BPIFC: variants seen among roughly 807,000 people sequenced by gnomAD.
The protein encoded by BPIFC is BPI fold-containing family C protein.
BPIFC carries 60 observed loss-of-function variants against 57.6 expected under a neutral mutation model. The ratio of observed to expected loss-of-function variants is 1.04; its 90% CI spans 0.85 to 1.29. The LOEUF is 1.29. Among genes scored for constraint, BPIFC ranks in the 50% most tolerant of loss-of-function variants. BPIFC has a pLI of 0.00. For synonymous variants in BPIFC, 243 were observed against 224.5 expected, an observed-to-expected ratio of 1.08 and a Z score of -0.74; for missense variants, 581 against 600.5, an observed-to-expected ratio of 0.97 and a Z score of 0.34.
intron 1 of BPIFC, among the ~76,000 whole-genome samples, chr22:32,462,942 C>T (rs746418653): frequency 2.6e-5 from 4 of 152,066 alleles, no homozygotes; most frequent in Non-Finnish European, 5.9e-5. Flanking sequence ...CATCTAGAAA[C>T]GTTCAAGCAT....
In BPIFC at chr22:32,414,267, A is replaced by C; in HGVS notation, c.*36T>G. 1 of 1,610,246 alleles carries C rather than the reference A, an allele frequency of 6.2e-7. No individual in the cohort carries two copies. Among genetic ancestry groups the C allele is most frequent in the Non-Finnish European group, 8.5e-7 (1 of 1,177,872 alleles). ...GTTTACAGTAGTTGTAGGATTAAGGACCATTTACTTCCTGGGGTGAATTGC... is the reference window on the plus strand; with the variant it reads ...GTTTACAGTAGTTGTAGGATTAAGGCCCATTTACTTCCTGGGGTGAATTGC... On this transcript the variant is annotated 3_prime_UTR_variant, in exon 17 of 17. Coordinates refer to ENST00000300399, the MANE Select transcript of BPIFC (RefSeq NM_174932.3).
At chr22:32,447,950 G>A (rs1274611020) in intron 4 of BPIFC, among the ~76,000 whole-genome samples, 1 of 151,654 alleles carries the variant, frequency 6.6e-6, no homozygotes, top group East Asian at 1.9e-4. Context: ...TACTTGTTTA[G>A]CTTATTTAAA....
chr22:32,424,654 T>TCCTCC (rs1569447976), intron 13 of BPIFC, among the ~76,000 whole-genome samples: 3 of 61,354 alleles, frequency 4.9e-5, no homozygotes, highest in South Asian at 6.2e-4. Flanking sequence ...CTTCTTCTTC[T>TCCTCC]TCTTCTTCTT....
chr22:32,417,947 T>G (rs2413115), intron 14 of BPIFC, among the ~76,000 whole-genome samples: 49,900 of 151,942 alleles, frequency 0.33, 8,623 homozygotes, highest in African/African-American at 0.43. Flanking sequence ...TTTATCACCA[T>G]TGTGAAAATG....
In BPIFC at chr22:32,432,527, A is replaced by G. The variant is rs144531815; in HGVS notation, c.995T>C (p.Ile332Thr). 1.2e-6 allele frequency: 2 copies of G among 1,611,992 alleles called. No homozygotes were observed. The highest frequency in any genetic ancestry group is 4.5e-5 in the East Asian group (2 of 44,792). Residue 332 changes from isoleucine (I) to threonine (T), a missense_variant, in exon 12 of 17, where the codon ATC becomes ACC. Ile to Thr is a moderately conservative substitution (Grantham distance 89). Transcript: ENST00000300399. ...NVLSRIAEIY[I>T]LSQPFMVRIM... ...CCTCACCATGAAGGGCTGGGACAAG[A>G]TGTAGATCTCTGCAATCTGCCCACA... is the stretch of plus-strand genomic sequence containing the variant.
chr22:32,419,489 T>G, intron 13 of BPIFC, 85 bp from the exon 14 acceptor site: 1 of 1,313,288 alleles, frequency 7.6e-7, no homozygotes, highest in Non-Finnish European at 1.1e-6. Context: ...ATATTTTCAG[T>G]TCAAAAGTCA....
chr22:32,435,553 C>T (rs2076050), intron 10 of BPIFC, 151 bp downstream of exon 10: 284,944 of 753,666 alleles, frequency 0.38, 55,554 homozygotes, highest in Admixed American at 0.51. Context: ...ATGTTCACTC[C>T]ACAATTCCCT....
chr22:32,424,710 CTTCT>C (rs1933989862), intron 13 of BPIFC, among the ~76,000 whole-genome samples: 2 of 100,956 alleles, frequency 2.0e-5, no homozygotes, highest in Non-Finnish European at 3.8e-5. Flanking sequence ...TCTTCCTCTT[CTTCT>C]TCCTCTTCTT....
intron 8 of BPIFC, among the ~76,000 whole-genome samples, chr22:32,440,090 A>G (rs1934522601): frequency 6.6e-6 from 1 of 151,852 alleles, no homozygotes. Context: ...TACATCTCCA[A>G]TCCATTCATT....
chr22:32,438,349 T>C (rs1198941641), intron 8 of BPIFC, among the ~76,000 whole-genome samples: 1 of 152,252 alleles, frequency 6.6e-6, no homozygotes, highest in East Asian at 1.9e-4. Context: ...TTTTTAGGTA[T>C]ACACACATAC....
At chr22:32,442,806 C>T in intron 7 of BPIFC, 75 bp from the exon 8 acceptor site, 18 of 1,410,740 alleles carry the variant, frequency 1.3e-5, no homozygotes, top group Non-Finnish European at 1.7e-5. Flanking sequence ...GGGCCTAGAC[C>T]CTGCAAACAA....
chr22:32,459,710 G>A (rs573525487), intron 2 of BPIFC, among the ~76,000 whole-genome samples: 3 of 151,822 alleles, frequency 2.0e-5, no homozygotes, highest in African/African-American at 7.3e-5. Context: ...AATTAGCTGA[G>A]GATGGTGGTA....
At chr22:32,432,639 A>G in intron 11 of BPIFC, 96 bp from the exon 12 acceptor site, 1 of 1,188,936 alleles carries the variant, frequency 8.4e-7, no homozygotes, top group East Asian at 2.4e-5. Context: ...TAAATCTTAC[A>G]TTGTGCAGTT....
intron 11 of BPIFC, among the ~76,000 whole-genome samples, chr22:32,433,495 G>T (rs898546003): frequency 2.0e-5 from 3 of 152,138 alleles, no homozygotes; most frequent in Non-Finnish European, 4.4e-5. Context: ...GGAAGGCACG[G>T]TGATTTATTT....
At chr22:32,461,743 T>C in intron 1 of BPIFC, 82 bp from the exon 2 acceptor site, 1 of 577,634 alleles carries the variant, frequency 1.7e-6, no homozygotes, top group Non-Finnish European at 2.2e-6. Context: ...GCTGACCAAC[T>C]GGTATAGGAG....
rs756852618 is a variant in BPIFC at position 32,431,371 on chromosome 22, A to G, written c.1193T>C (p.Leu398Pro). ...SVGLVILGQR[L>P]VCSLSLNRFR... is the part of the protein sequence containing the mutation. ...CCTGTTCAGAGACAAGGAGCAGACC[A>G]GTCTTTGTCCCAAAATAACCAGGCC... The change falls in exon 13 of 17, where the codon CTG becomes CCG. Residue 398 changes from leucine (L) to proline (P), a missense_variant. Leu to Pro is a moderately conservative substitution (Grantham distance 98). Transcript: ENST00000300399. 6.2e-7 allele frequency: 1 copy of G among 1,606,038 alleles called. No homozygotes were observed.
At chr22:32,422,331 G>A (rs924965266) in intron 13 of BPIFC, among the ~76,000 whole-genome samples, 2 of 152,112 alleles carry the variant, frequency 1.3e-5, no homozygotes, top group South Asian at 2.1e-4. Context: ...TTTGTAGAAG[G>A]TAGAGAACAA....
rs367788179 is a variant in BPIFC, at chr22:32,458,693, T to C, written c.1-1307A>G. ...TGTGAATTGGGCCATGTGTGCCTTATGGGTTCTCCAGCACCTGGGGAAGCC... is the reference window on the plus strand; with the variant it reads ...TGTGAATTGGGCCATGTGTGCCTTACGGGTTCTCCAGCACCTGGGGAAGCC... On this transcript the variant is annotated intron_variant, in intron 2 of 16. Transcript: ENST00000300399. Among the ~76,000 whole-genome samples the C allele has an allele frequency of 1.1e-3, 164 of 152,362 alleles. 5 individuals are homozygous for C. In the South Asian group the frequency reaches 0.031, roughly 28 times the overall value.
chr22:32,448,545 G>A (rs1474337094), intron 4 of BPIFC, among the ~76,000 whole-genome samples: 4 of 152,218 alleles, frequency 2.6e-5, no homozygotes, highest in African/African-American at 4.8e-5. Context: ...AACTTAGAGA[G>A]TTGACTTCCC....
Sources: gnomAD v4.1 joint callset for allele counts (sites outside exome capture counted in the v4.1 genomes callset) on GRCh38, gnomAD v4.1.1 for gene constraint, MANE v1.5 for transcripts, NCBI Gene and HGNC (gene_info 2026-07-23, HGNC 2026-07-21) for gene names.